The following DERA variants were observed in gnomAD, a reference collection of about 807,000 sequenced individuals.
DERA encodes 2-deoxy-D-ribose 5-phosphate aldolase.
In DERA, 15 loss-of-function variants were observed where a neutral mutation model predicts 41.1. The ratio of observed to expected loss-of-function variants is 0.37; its 90% CI spans 0.24 to 0.56. DERA has a LOEUF of 0.56. Ranked by LOEUF, DERA falls within the 20% of genes least tolerant of loss-of-function variation. The pLI is 0.81. For missense variants in DERA, 396 were observed against 403.4 expected, an observed-to-expected ratio of 0.98 and a Z score of 0.16; for synonymous variants, 139 against 137.4, an observed-to-expected ratio of 1.01 and a Z score of -0.08.
At chr12:16,028,439 GAC>G (rs1464785364) in intron 6 of DERA, among the ~76,000 whole-genome samples, 2 of 152,070 alleles carry the variant, frequency 1.3e-5, no homozygotes, top group Non-Finnish European at 2.9e-5. Context: ...AAATGGAGAG[GAC>G]ACAAACCTTC....
chr12:15,974,048 C>T (rs1329690073), intron 5 of DERA, among the ~76,000 whole-genome samples: 1 of 151,876 alleles, frequency 6.6e-6, no homozygotes, highest in African/African-American at 2.4e-5. Flanking sequence ...GACTTATTTC[C>T]TCTGTGAAGT....
At chr12:16,030,597 A>G (rs1458598534) in intron 6 of DERA, among the ~76,000 whole-genome samples, 1 of 151,974 alleles carries the variant, frequency 6.6e-6, no homozygotes, top group East Asian at 1.9e-4. Context: ...TTCAATCTCT[A>G]TTTGGATTTG....
rs1385130985 is a variant in DERA, at chr12:16,036,478, G to A, written c.900+97G>A. 4 of 1,373,660 alleles carry A rather than the reference G, an allele frequency of 2.9e-6. No homozygotes were observed. In the South Asian group the frequency reaches 5.6e-5, roughly 19 times the overall value. 85.1% of individuals were successfully genotyped at this position (1,373,660 alleles called of 1,614,324 possible). A position where few individuals can be genotyped will look rare whatever the true frequency, so the allele number is the denominator to read the frequency against. On this transcript the variant is annotated intron_variant, in intron 8 of 8. Transcript: ENST00000428559. This position sits in a 1 kb window ranked among gnomAD's most constrained non-coding sequence, Gnocchi z 4.9. The stretch of plus-strand genomic sequence containing the variant: ...GAGAACTGGAGATAAAAACTCATCT[G>A]ATTGACCTCATCCTACCCAATCCTC...
In DERA at chr12:15,950,321, G is replaced by T. The variant is rs964741768; in HGVS notation, c.32-6615G>T. Among the ~76,000 whole-genome samples, 4 of 152,172 alleles carry T rather than the reference G, an allele frequency of 2.6e-5. No individual in the cohort carries two copies. The East Asian group carries it at 7.7e-4, about 29-fold the overall frequency. On this transcript the variant is annotated intron_variant, in intron 1 of 8. Coordinates refer to ENST00000428559, the MANE Select transcript of DERA (RefSeq NM_015954.4). ...TGCCTCCCCTTTTTAGACCATATAG[G>T]GTAACTTCCTGATGTTGCCATGGCA...
In DERA at chr12:15,944,887, A is replaced by G. The variant is rs534184191; in HGVS notation, c.32-12049A>G. ...GGTCTAACATTTAAGTCTTTAATCCATCTTGAATTAATTTTTGTCTAAGGT... is the reference window on the plus strand; with the variant it reads ...GGTCTAACATTTAAGTCTTTAATCCGTCTTGAATTAATTTTTGTCTAAGGT... On this transcript the variant is annotated intron_variant, in intron 1 of 8. Coordinates refer to ENST00000428559, the MANE Select transcript of DERA (RefSeq NM_015954.4). Among the ~76,000 whole-genome samples the G allele has an allele frequency of 5.3e-5, 8 of 152,308 alleles. No homozygotes were observed. In the East Asian group the frequency reaches 1.3e-3, roughly 26 times the overall value.
rs1005338236 is a variant in DERA at position 16,032,746 on chromosome 12, A to G, written c.750+92A>G. On this transcript the variant is annotated intron_variant, in intron 7 of 8. Coordinates refer to ENST00000428559, the MANE Select transcript of DERA (RefSeq NM_015954.4). ...CACAATAACTGTCTTTATATGGAGA[A>G]GTTGTGAATGAATTACCTTTATTAA... is the stretch of plus-strand genomic sequence containing the variant. The G allele has an allele frequency of 3.8e-6, 3 of 796,580 alleles. No homozygotes were observed. The African/African-American group carries it at 5.2e-5, about 14-fold the overall frequency. 49.3% of individuals were successfully genotyped at this position (796,580 alleles called of 1,614,324 possible).
rs1015978724 is a variant in DERA at position 15,983,749 on chromosome 12, A to G, written c.637+1313A>G. On this transcript the variant is annotated intron_variant, in intron 6 of 8. Transcript: ENST00000428559. This position sits in a 1 kb window ranked among gnomAD's most constrained non-coding sequence, Gnocchi z 6.2. The stretch of plus-strand genomic sequence containing the variant: ...ACTTCTTGAGTGCTCTGTCAGGCCT[A>G]GTAGATCATTCCTTGGAACTCTACT... Among the ~76,000 whole-genome samples the G allele has an allele frequency of 6.6e-6, 1 of 152,230 alleles. No homozygotes were observed. The highest frequency in any genetic ancestry group is 2.4e-5 in the African/African-American group (1 of 41,464).
rs114097519 is a variant in DERA, at chr12:15,984,633, T to C, written c.637+2197T>C. 6.6e-6 allele frequency among the ~76,000 whole-genome samples: 1 copy of C among 152,156 alleles called. No individual in the cohort carries two copies. Among genetic ancestry groups the C allele is most frequent in the African/African-American group, 2.4e-5 (1 of 41,420 alleles). ...AACCTGTATCACTATTTGAACACTC[T>C]GGTCTTCTGGCTCCAGATTTATTGC... On this transcript the variant is annotated intron_variant, in intron 6 of 8. Coordinates refer to ENST00000428559, the MANE Select transcript of DERA (RefSeq NM_015954.4). This position sits in a 1 kb window ranked among gnomAD's most constrained non-coding sequence, Gnocchi z 4.5.
Position 16,021,118 on chromosome 12 carries a change from C to T in DERA, c.638-11424C>T, listed in dbSNP as rs1158115484. 6.6e-6 allele frequency among the ~76,000 whole-genome samples: 1 copy of T among 152,144 alleles called. No homozygotes were observed. Among genetic ancestry groups the T allele is most frequent in the Non-Finnish European group, 1.5e-5 (1 of 68,016 alleles). On this transcript the variant is annotated intron_variant, in intron 6 of 8. Transcript: ENST00000428559. This position sits in a 1 kb window ranked among gnomAD's most constrained non-coding sequence, Gnocchi z 5.3. ...CTTGTCTAAAAGGGAGCCAAGTGCT[C>T]ATATATAAGACTGTGGGGAAAAGAC... is the stretch of plus-strand genomic sequence containing the variant.
At position 15,915,300 on chromosome 12, in the gene DERA, C is replaced by A. The variant is rs376937116; in HGVS notation, c.31+3886C>A. 3.7e-3 allele frequency among the ~76,000 whole-genome samples: 570 copies of A among 152,216 alleles called. 6 individuals carry two copies. Among genetic ancestry groups the A allele is most frequent in the African/African-American group, 0.013 (520 of 41,546 alleles). On this transcript the variant is annotated intron_variant, in intron 1 of 8. Transcript: ENST00000428559. The surrounding 1 kb of genome is among the most constrained non-coding windows in gnomAD (Gnocchi z 4.8). ...CTTTTGCATTATAATTTTTAATTTC[C>A]TTTTAAAAGAACCTATGAATTAGGG...
At chr12:15,926,346 T>C (rs1227188451) in intron 1 of DERA, among the ~76,000 whole-genome samples, 1 of 152,128 alleles carries the variant, frequency 6.6e-6, no homozygotes, top group Admixed American at 6.5e-5. Flanking sequence ...TATTTTGATA[T>C]AAACTTTTCG....
In DERA at chr12:16,032,631, T is replaced by G; in HGVS notation, c.727T>G (p.Phe243Val). ...AGTAATGCTGCGGGCCATTAGAGAT[T>G]TCTTCTGGAAAACTGGAAACAAGGT... ...AIVMLRAIRD[F>V]FWKTGNKIGF... is the part of the protein sequence containing the mutation. The change falls in exon 7 of 9, where the codon TTC (phenylalanine) becomes GTC (valine). Residue 243 changes from phenylalanine (F) to valine (V), a missense_variant. By Grantham distance (50) the Phe-to-Val change is conservative. Transcript: ENST00000428559. The G allele has an allele frequency of 6.4e-7, 1 of 1,562,284 alleles. No homozygotes were observed. The highest frequency in any genetic ancestry group is 1.2e-5 in the South Asian group (1 of 84,592).
In DERA at chr12:15,911,432, C is replaced by T. The variant is rs1388315613; in HGVS notation, c.31+18C>T. 2.1e-6 allele frequency: 3 copies of T among 1,405,850 alleles called. No homozygotes were observed. The highest frequency in any genetic ancestry group is 3.0e-5 in the African/African-American group (2 of 66,286). 87.1% of individuals were successfully genotyped at this position (1,405,850 alleles called of 1,614,324 possible). A position where few individuals can be genotyped will look rare whatever the true frequency, so the allele number is the denominator to read the frequency against. ...CGAGCTCGGTAAGGGGCCCGCGGGG[C>T]TCCCCATCCCCTCTCCCTCGCGTTC... is the stretch of plus-strand genomic sequence containing the variant. On this transcript the variant is annotated intron_variant, in intron 1 of 8. Coordinates refer to ENST00000428559, the MANE Select transcript of DERA (RefSeq NM_015954.4). The surrounding 1 kb of genome is among the most constrained non-coding windows in gnomAD (Gnocchi z 4.5).
chr12:15,995,849 T>A lies in DERA; in HGVS notation c.637+13413T>A, dbSNP rs899490281. ...TGTTCAAATACTTGGAAGATTTTCCTGATAAAGGAAGATTTTTCTCTCTTA... is the reference window on the plus strand; with the variant it reads ...TGTTCAAATACTTGGAAGATTTTCCAGATAAAGGAAGATTTTTCTCTCTTA... On this transcript the variant is annotated intron_variant, in intron 6 of 8. Coordinates refer to ENST00000428559, the MANE Select transcript of DERA (RefSeq NM_015954.4). The surrounding 1 kb of genome is among the most constrained non-coding windows in gnomAD (Gnocchi z 5.1). Among the ~76,000 whole-genome samples, 1 of 152,250 alleles carries A rather than the reference T, an allele frequency of 6.6e-6. No homozygotes were observed. The highest frequency in any genetic ancestry group is 1.5e-5 in the Non-Finnish European group (1 of 68,044).
intron 6 of DERA, among the ~76,000 whole-genome samples, chr12:16,007,027 C>T (rs150354618): frequency 2.2e-4 from 33 of 151,974 alleles, no homozygotes; most frequent in Admixed American, 5.9e-4. Flanking sequence ...AGTACCTCGC[C>T]GATAGTAAGT....
chr12:15,920,561 G>GCC (rs1565583392), intron 1 of DERA, among the ~76,000 whole-genome samples: 1 of 152,202 alleles, frequency 6.6e-6, no homozygotes, highest in East Asian at 1.9e-4. Context: ...GAAGCTGGGC[G>GCC]TGGTGGCTCA....
intron 6 of DERA, among the ~76,000 whole-genome samples, chr12:16,005,566 C>T (rs984453127): frequency 6.6e-6 from 1 of 152,182 alleles, no homozygotes; most frequent in Non-Finnish European, 1.5e-5. Context: ...GACAATATCT[C>T]AATCAAAACT....
At chr12:16,032,854 G>C in intron 7 of DERA, 200 bp downstream of exon 7, 1 of 539,246 alleles carries the variant, frequency 1.9e-6, no homozygotes. Flanking sequence ...AGTTGTGAGT[G>C]TGGGAGTGAG....
chr12:16,020,122 G>A lies in DERA; in HGVS notation c.638-12420G>A, dbSNP rs558650317. Among the ~76,000 whole-genome samples the A allele has an allele frequency of 6.6e-6, 1 of 152,304 alleles. No individual in the cohort carries two copies. The highest frequency in any genetic ancestry group is 2.1e-4 in the South Asian group (1 of 4,832). On this transcript the variant is annotated intron_variant, in intron 6 of 8. Transcript: ENST00000428559. This position sits in a 1 kb window ranked among gnomAD's most constrained non-coding sequence, Gnocchi z 5.5. The stretch of plus-strand genomic sequence containing the variant: ...ATCCAAGCACCACACTTACTGTACA[G>A]TCTGCAGAATTGTGAGCCAATTAAA...
Sources: gnomAD v4.1 joint callset for allele counts (sites outside exome capture counted in the v4.1 genomes callset) on GRCh38, gnomAD v4.1.1 for gene constraint, Gnocchi (gnomAD v3.1) non-coding constraint, MANE v1.5 for transcripts, NCBI Gene and HGNC (gene_info 2026-07-23, HGNC 2026-07-21) for gene names.